Variants in TCF4 observed in about 807,000 individuals in gnomAD.
The protein encoded by TCF4 is transcription factor 4.
A neutral mutation model predicts 82.1 loss-of-function variants in TCF4; 3 were observed. That is an observed-to-expected ratio of 0.04 (90% CI 0.02 to 0.09). The LOEUF is 0.09. Among genes scored for constraint, TCF4 ranks in the 10% least tolerant of loss-of-function variants. The pLI is 1.00. For missense variants in TCF4, 518 were observed against 852.7 expected, an observed-to-expected ratio of 0.61 and a Z score of 4.89; for synonymous variants, 276 against 309.6, an observed-to-expected ratio of 0.89 and a Z score of 1.14.
intron 6 of TCF4, among the ~76,000 whole-genome samples, chr18:55,395,435 T>C (rs1239253323): frequency 1.3e-5 from 2 of 152,218 alleles, no homozygotes; most frequent in African/African-American, 2.4e-5. Flanking sequence ...GAAATTTCAA[T>C]TTGGATACTA....
At chr18:55,354,930 C>T (rs576231554) in intron 6 of TCF4, among the ~76,000 whole-genome samples, 1 of 152,106 alleles carries the variant, frequency 6.6e-6, no homozygotes, top group Non-Finnish European at 1.5e-5. Context: ...CGTTGTGATC[C>T]GGTATCAGAC....
chr18:55,369,929 G>GTGTT (rs930241188), intron 6 of TCF4, among the ~76,000 whole-genome samples: 15 of 152,166 alleles, frequency 9.9e-5, no homozygotes, highest in African/African-American at 3.6e-4. Flanking sequence ...GTGTGTGTGT[G>GTGTT]TGTGTGTTTG....
intron 6 of TCF4, among the ~76,000 whole-genome samples, chr18:55,372,843 G>A (rs906100735): frequency 5.3e-5 from 8 of 152,178 alleles, no homozygotes; most frequent in Non-Finnish European, 1.0e-4. Flanking sequence ...AACACTCTCC[G>A]TCATCTTTTT....
At chr18:55,371,667 C>T (rs756955195) in intron 6 of TCF4, among the ~76,000 whole-genome samples, 10 of 152,022 alleles carry the variant, frequency 6.6e-5, no homozygotes, top group South Asian at 2.1e-4. Flanking sequence ...ACAACACTTC[C>T]GCTGGGAAAC....
In TCF4 at chr18:55,402,905, G is replaced by A. The variant is rs186350629; in HGVS notation, c.369+549C>T. Among the ~76,000 whole-genome samples the A allele has an allele frequency of 1.8e-3, 276 of 152,178 alleles. 8 individuals carry two copies. The highest frequency in any genetic ancestry group is 0.017 in the Admixed American group (263 of 15,268). On this transcript the variant is annotated intron_variant, in intron 6 of 19. Transcript: ENST00000354452. ...AGCTCACGCATGCTTCCCTTGAGAC[G>A]GCTTTGCTGTTAGCCTGCTGGCCTT...
chr18:55,412,982 T>C (rs1449150712), intron 5 of TCF4, among the ~76,000 whole-genome samples: 1 of 152,172 alleles, frequency 6.6e-6, no homozygotes, highest in Non-Finnish European at 1.5e-5. Context: ...GTTGTCTATA[T>C]AGAAAAATTA....
At chr18:55,306,486 C>T (rs1602094603) in intron 8 of TCF4, among the ~76,000 whole-genome samples, 1 of 152,118 alleles carries the variant, frequency 6.6e-6, no homozygotes, top group East Asian at 1.9e-4. Context: ...ACTAATTAAG[C>T]TACATTAGTC....
At chr18:55,311,365 G>A (rs1172586860) in intron 8 of TCF4, among the ~76,000 whole-genome samples, 1 of 152,184 alleles carries the variant, frequency 6.6e-6, no homozygotes, top group Non-Finnish European at 1.5e-5. Context: ...CTGTTAAGAT[G>A]TTTAGTAGCA....
intron 3 of TCF4, among the ~76,000 whole-genome samples, chr18:55,577,329 A>C (rs1194202507): frequency 6.6e-6 from 1 of 150,534 alleles, no homozygotes; most frequent in Non-Finnish European, 1.5e-5. Context: ...GATAGATGAA[A>C]AGCTGACTAG....
chr18:55,252,467 T>G (rs190750254), intron 15 of TCF4, among the ~76,000 whole-genome samples: 1 of 152,228 alleles, frequency 6.6e-6, no homozygotes, highest in East Asian at 1.9e-4. Flanking sequence ...CGTCTCACTT[T>G]CGGTTCTACT....
intron 2 of TCF4, among the ~76,000 whole-genome samples, chr18:55,626,652 A>G (rs1335852933): frequency 6.6e-6 from 1 of 152,218 alleles, no homozygotes; most frequent in East Asian, 1.9e-4. Flanking sequence ...TAGTGATGAC[A>G]GCTTGACCAG....
At chr18:55,516,368 C>T (rs1341633660) in intron 3 of TCF4, among the ~76,000 whole-genome samples, 1 of 151,932 alleles carries the variant, frequency 6.6e-6, no homozygotes, top group African/African-American at 2.4e-5. Flanking sequence ...AAATAATATA[C>T]TGTCTGGTTT....
At chr18:55,295,679 T>C (rs1039678523) in intron 8 of TCF4, among the ~76,000 whole-genome samples, 1 of 152,220 alleles carries the variant, frequency 6.6e-6, no homozygotes, top group African/African-American at 2.4e-5. Flanking sequence ...CACAAGTCGC[T>C]TTTTGATCAG....
intron 2 of TCF4, among the ~76,000 whole-genome samples, chr18:55,599,398 T>C (rs2097694352): frequency 1.3e-5 from 2 of 152,192 alleles, no homozygotes; most frequent in African/African-American, 4.8e-5. Flanking sequence ...CATTTACTTA[T>C]TATACTTAAC....
intron 6 of TCF4, among the ~76,000 whole-genome samples, chr18:55,377,862 T>C (rs1404462098): frequency 6.6e-6 from 1 of 152,232 alleles, no homozygotes; most frequent in Non-Finnish European, 1.5e-5. Context: ...AGAGTGAATC[T>C]TTGCCACCAT....
intron 3 of TCF4, among the ~76,000 whole-genome samples, chr18:55,539,093 T>C (rs1163371921): frequency 7.3e-5 from 11 of 150,192 alleles, no homozygotes. Flanking sequence ...AAAAGTTAAA[T>C]ACATACCCAA....
intron 8 of TCF4, among the ~76,000 whole-genome samples, chr18:55,317,950 T>C (rs1264590059): frequency 2.6e-5 from 4 of 152,096 alleles, no homozygotes; most frequent in African/African-American, 9.7e-5. Context: ...TTTCCGAGAT[T>C]TGATGATTTG....
At chr18:55,373,769 T>A (rs1603410100) in intron 6 of TCF4, among the ~76,000 whole-genome samples, 1 of 152,128 alleles carries the variant, frequency 6.6e-6, no homozygotes, top group Non-Finnish European at 1.5e-5. Flanking sequence ...GCTGAGATCG[T>A]GCCACTACAC....
At chr18:55,233,132 G>C (rs1385443372) in intron 16 of TCF4, among the ~76,000 whole-genome samples, 1 of 152,126 alleles carries the variant, frequency 6.6e-6, no homozygotes, top group Non-Finnish European at 1.5e-5. Flanking sequence ...CTGAAATTAG[G>C]CTTCTCTTAT....
Sources: allele counts gnomAD v4.1 joint callset (sites outside exome capture counted in the v4.1 genomes callset), GRCh38; gene constraint gnomAD v4.1.1; transcripts MANE v1.5; gene names NCBI Gene and HGNC (gene_info 2026-07-23, HGNC 2026-07-21).